Variants in PPP1R37 observed in about 807,000 individuals in gnomAD.
The protein encoded by PPP1R37 is leucine rich repeat containing 68.
In PPP1R37, 21 loss-of-function variants were observed where a neutral mutation model predicts 61.0. That is an observed-to-expected ratio of 0.34 (90% confidence interval 0.24 to 0.50). The LOEUF is 0.50. PPP1R37 is among the 20% of genes least tolerant of loss of function. The pLI is 0.98. For synonymous variants in PPP1R37, 443 were observed against 433.5 expected, an observed-to-expected ratio of 1.02 and a Z score of -0.27; for missense variants, 910 against 952.7, an observed-to-expected ratio of 0.96 and a Z score of 0.59.
chr19:45,098,947 G>A (rs2122706336), intron 1 of PPP1R37, among the ~76,000 whole-genome samples: 2 of 152,278 alleles, frequency 1.3e-5, no homozygotes, highest in East Asian at 3.9e-4. Context: ...GAGCAGCCAC[G>A]TGACTTTGGC....
intron 1 of PPP1R37, among the ~76,000 whole-genome samples, chr19:45,117,257 G>C (rs866359733): frequency 6.6e-6 from 1 of 152,078 alleles, no homozygotes; most frequent in African/African-American, 2.4e-5. Flanking sequence ...AGTCAGCTGC[G>C]GCTTAAGCTG....
intron 1 of PPP1R37, among the ~76,000 whole-genome samples, chr19:45,106,760 G>A (rs1053412404): frequency 4.8e-5 from 7 of 145,456 alleles, no homozygotes; most frequent in Non-Finnish European, 7.5e-5. Context: ...CTCAGGCTTC[G>A]TTGTGCTTTT....
rs986200071 is a variant in PPP1R37 at position 45,141,445 on chromosome 19, G to C, written c.567+4G>C. The C allele has an allele frequency of 9.5e-5, 146 of 1,533,816 alleles. No homozygotes were observed. The highest frequency in any genetic ancestry group is 1.2e-4 in the Non-Finnish European group (141 of 1,146,144). ...GGCCGCCCACATGATGCGCAAGGTG[G>C]GCGCCTCTCGGCTTCCAGGAAGAGG... On this transcript the variant is annotated splice_donor_region_variant and intron_variant, in intron 5 of 12. Coordinates refer to ENST00000221462, the MANE Select transcript of PPP1R37 (RefSeq NM_019121.2).
At chr19:45,135,391 A>G (rs1265815974) in intron 1 of PPP1R37, among the ~76,000 whole-genome samples, 1 of 152,200 alleles carries the variant, frequency 6.6e-6, no homozygotes, top group Non-Finnish European at 1.5e-5. Context: ...TTGATCCTGG[A>G]CCCTGGCAAT....
At chr19:45,100,476 G>A (rs1339195098) in intron 1 of PPP1R37, among the ~76,000 whole-genome samples, 2 of 152,152 alleles carry the variant, frequency 1.3e-5, no homozygotes, top group African/African-American at 4.8e-5. Flanking sequence ...AGCCACCCCA[G>A]GAGGTAGGTG....
rs972282190 is a variant in PPP1R37 at position 45,145,581 on chromosome 19, T to C, written c.1525T>C (p.Ser509Pro). Residue 509 changes from serine to proline, a missense_variant, in exon 11 of 13, where the codon TCG (serine) becomes CCG (proline). Ser to Pro is a moderately conservative substitution (Grantham distance 74). Coordinates refer to ENST00000221462, the MANE Select transcript of PPP1R37 (RefSeq NM_019121.2). ...PAPSPDSDSD[S>P]DSDGEEEEEE... ...ACCCAGCCCGGACTCAGACTCAGACTCGGACTCGGATGGGGAGGAAGAGGA... is the reference window on the plus strand; with the variant it reads ...ACCCAGCCCGGACTCAGACTCAGACCCGGACTCGGATGGGGAGGAAGAGGA... 15 of 1,535,380 alleles carry C rather than the reference T, an allele frequency of 9.8e-6. No individual in the cohort carries two copies. In the Middle Eastern group the frequency reaches 8.3e-4, roughly 85 times the overall value.
intron 1 of PPP1R37, among the ~76,000 whole-genome samples, chr19:45,108,041 TAGA>T (rs1190238316): frequency 3.3e-5 from 5 of 152,176 alleles, no homozygotes; most frequent in Admixed American, 1.3e-4. Context: ...AAAAAATTCT[TAGA>T]AGGTGATTTT....
chr19:45,133,314 C>T (rs960784674), intron 1 of PPP1R37, among the ~76,000 whole-genome samples: 6 of 152,064 alleles, frequency 3.9e-5, no homozygotes, highest in African/African-American at 1.2e-4. Flanking sequence ...GAACTCCTGG[C>T]CTCAGATGAT....
chr19:45,133,149 C>T (rs1274039571), intron 1 of PPP1R37, among the ~76,000 whole-genome samples: 1 of 152,114 alleles, frequency 6.6e-6, no homozygotes, highest in Admixed American at 6.5e-5. Context: ...GCGATCTCAG[C>T]TCACCACAAC....
chr19:45,094,306 A>T (rs1967963705), intron 1 of PPP1R37, among the ~76,000 whole-genome samples: 1 of 152,172 alleles, frequency 6.6e-6, no homozygotes, highest in Admixed American at 6.5e-5. Flanking sequence ...TAAGAAGAAA[A>T]GCCAACGCCT....
chr19:45,144,592 A>G, intron 8 of PPP1R37: 1 of 485,214 alleles, frequency 2.1e-6, no homozygotes, highest in Non-Finnish European at 3.6e-6. Flanking sequence ...CCAGGGGCCC[A>G]GGCTGTGGGG....
Position 45,098,343 on chromosome 19 carries a change from G to C in PPP1R37, c.202+4816G>C, listed in dbSNP as rs138137383. ...AAACTGCAGGAATGACCTGAGGCTC[G>C]GCTGGTCTCCTCAGTCCCAGCTGAA... On this transcript the variant is annotated intron_variant, in intron 1 of 12. Transcript: ENST00000221462. 9.0e-3 allele frequency among the ~76,000 whole-genome samples: 1,367 copies of C among 152,298 alleles called. 14 individuals carry two copies. The highest frequency in any genetic ancestry group is 0.025 in the South Asian group (121 of 4,826).
chr19:45,093,604 C>A, intron 1 of PPP1R37, 77 bp downstream of exon 1: 1 of 1,152,230 alleles, frequency 8.7e-7, no homozygotes, highest in Non-Finnish European at 1.2e-6. Context: ...GGGCCCGGCT[C>A]GAGGTGGCGT....
At chr19:45,094,872 G>A (rs1215465350) in intron 1 of PPP1R37, among the ~76,000 whole-genome samples, 1 of 152,226 alleles carries the variant, frequency 6.6e-6, no homozygotes, top group East Asian at 1.9e-4. Flanking sequence ...TCAGGTCAGT[G>A]TTGGAGCTGA....
At chr19:45,139,327 C>G (rs1003422294) in intron 2 of PPP1R37, among the ~76,000 whole-genome samples, 1 of 152,252 alleles carries the variant, frequency 6.6e-6, no homozygotes, top group African/African-American at 2.4e-5. Context: ...GCCCCAAGGC[C>G]CCCTCCTCGG....
At chr19:45,100,677 C>A (rs1261642301) in intron 1 of PPP1R37, among the ~76,000 whole-genome samples, 1 of 152,190 alleles carries the variant, frequency 6.6e-6, no homozygotes, top group Non-Finnish European at 1.5e-5. Context: ...ACGTGCCATA[C>A]GGTCTCTTCA....
intron 1 of PPP1R37, chr19:45,128,976 G>A (rs931909447): frequency 1.1e-5 from 9 of 819,338 alleles, no homozygotes; most frequent in Middle Eastern, 3.0e-4. Flanking sequence ...CCTGATCACC[G>A]TGCTGTCTGC....
intron 4 of PPP1R37, 140 bp downstream of exon 4, chr19:45,140,746 G>A (rs1278265170): frequency 4.7e-6 from 3 of 635,878 alleles, no homozygotes; most frequent in South Asian, 1.8e-5. Context: ...GCCTCTTGCA[G>A]GGCAAGAGGG....
rs1281627711 is a variant in PPP1R37, at chr19:45,145,608, G to A, written c.1552G>A (p.Glu518Lys). 1 of 1,536,222 alleles carries A rather than the reference G, an allele frequency of 6.5e-7. No individual in the cohort carries two copies. Residue 518 changes from glutamate to lysine, a missense_variant, in exon 11 of 13, where the codon GAA becomes AAA. This residue lies in a region of PPP1R37 where 549 missense variants were observed against 505.1 expected (regional missense o/e 1.09). Coordinates refer to ENST00000221462, the MANE Select transcript of PPP1R37 (RefSeq NM_019121.2). The stretch of plus-strand genomic sequence containing the variant: ...GGACTCGGATGGGGAGGAAGAGGAG[G>A]AAGAGGAAGGGGAGAGGGACGAGAC... Reference protein sequence around the residue: ...DSDSDGEEEEEEEGERDETPC... With the variant: ...DSDSDGEEEEKEEGERDETPC...
Sources: allele counts gnomAD v4.1 joint callset (sites outside exome capture counted in the v4.1 genomes callset), GRCh38; gene constraint gnomAD v4.1.1; regional missense constraint gnomAD v4.1.1; transcripts MANE v1.5; gene names NCBI Gene and HGNC (gene_info 2026-07-23, HGNC 2026-07-21).